The following OCA2 variants were observed in gnomAD, a reference collection of about 807,000 sequenced individuals.
OCA2 encodes the protein OCA2 melanosomal transmembrane protein.
Under a neutral mutation model 100.2 loss-of-function variants are expected in OCA2, and 77 were observed. That is an observed-to-expected ratio of 0.77 (90% CI 0.64 to 0.93). OCA2 has a LOEUF of 0.93. Among genes scored for constraint, OCA2 ranks in the 40% least tolerant of loss-of-function variants. OCA2 has a pLI of 0.00. For missense variants in OCA2, 1,062 were observed against 1,089.1 expected, an observed-to-expected ratio of 0.98 and a Z score of 0.35; for synonymous variants, 432 against 439.2, an observed-to-expected ratio of 0.98 and a Z score of 0.21.
chr15:28,008,398 GT>G (rs1288203396), intron 9 of OCA2, among the ~76,000 whole-genome samples: 2 of 152,236 alleles, frequency 1.3e-5, no homozygotes, highest in Non-Finnish European at 2.9e-5. Flanking sequence ...CTCATAGCCT[GT>G]TCCTCTTCCT....
At position 27,917,130 on chromosome 15, in the gene OCA2, G is replaced by A. The variant is rs769942388; in HGVS notation, c.2079+8997C>T. On this transcript the variant is annotated intron_variant, in intron 19 of 23. Transcript: ENST00000354638. Reference sequence around the variant, plus strand: ...TGTATACAAACCTTACTCTCTTCTGGGCTAACAGTGAATAGTTTGAACATG... The same window carrying A: ...TGTATACAAACCTTACTCTCTTCTGAGCTAACAGTGAATAGTTTGAACATG... 1.4e-4 allele frequency among the ~76,000 whole-genome samples: 22 copies of A among 151,892 alleles called. 1 individual carries two copies. The highest frequency in any genetic ancestry group is 1.2e-3 in the Admixed American group (18 of 15,244).
chr15:27,840,615 T>A (rs1371674255), intron 23 of OCA2, among the ~76,000 whole-genome samples: 1 of 152,186 alleles, frequency 6.6e-6, no homozygotes, highest in Non-Finnish European at 1.5e-5. Context: ...TCCACAAAGA[T>A]GCACTCAGCT....
intron 23 of OCA2, among the ~76,000 whole-genome samples, chr15:27,770,293 T>C (rs967784457): frequency 2.6e-5 from 4 of 151,936 alleles, no homozygotes; most frequent in African/African-American, 9.7e-5. Flanking sequence ...ACGGAGACAC[T>C]GCGCGGACCC....
chr15:28,059,598 A>T (rs2043809685), intron 2 of OCA2, among the ~76,000 whole-genome samples: 1 of 152,234 alleles, frequency 6.6e-6, no homozygotes, highest in Non-Finnish European at 1.5e-5. Flanking sequence ...TTTGAGATTA[A>T]CTAAAAGATG....
In OCA2 at chr15:27,844,945, G is replaced by A; in HGVS notation, c.2432+14C>T. Reference sequence around the variant, plus strand: ...GACAGTTTAACAGAAAATTTAAAGGGAATTTAAAAGTACCTGAAAAATTCC... The same window carrying A: ...GACAGTTTAACAGAAAATTTAAAGGAAATTTAAAAGTACCTGAAAAATTCC... On this transcript the variant is annotated intron_variant, in intron 23 of 23. Coordinates refer to ENST00000354638, the MANE Select transcript of OCA2 (RefSeq NM_000275.3). 1 of 1,566,122 alleles carries A rather than the reference G, an allele frequency of 6.4e-7. No individual in the cohort carries two copies. The highest frequency in any genetic ancestry group is 1.1e-5 in the South Asian group (1 of 89,932).
intron 19 of OCA2, among the ~76,000 whole-genome samples, chr15:27,883,657 G>C (rs562441358): frequency 1.3e-5 from 2 of 152,114 alleles, no homozygotes; most frequent in East Asian, 3.9e-4. Flanking sequence ...CGGCATTTGA[G>C]AACCTGAACA....
At chr15:27,995,559 A>ATTTT (rs5811523) in intron 9 of OCA2, among the ~76,000 whole-genome samples, 2,104 of 147,984 alleles carry the variant, frequency 0.014, 22 homozygotes, top group Non-Finnish European at 0.021. Context: ...TGTCCAGCTA[A>ATTTT]TTTTTTTTTT....
chr15:28,051,155 T>C (rs1216957428), intron 2 of OCA2, among the ~76,000 whole-genome samples: 1 of 152,228 alleles, frequency 6.6e-6, no homozygotes, highest in African/African-American at 2.4e-5. Flanking sequence ...ACTTAGAGAA[T>C]GTTGTGGAGG....
intron 18 of OCA2, among the ~76,000 whole-genome samples, chr15:27,941,368 A>G (rs574283369): frequency 3.3e-5 from 5 of 152,194 alleles, no homozygotes; most frequent in Non-Finnish European, 5.9e-5. Flanking sequence ...TTTAAAAGCT[A>G]ATGTGGTACT....
intron 18 of OCA2, 71 bp from the exon 19 acceptor site, chr15:27,926,325 G>T: frequency 1.3e-6 from 2 of 1,563,122 alleles, no homozygotes; most frequent in South Asian, 2.2e-5. Context: ...TTTAACCTCT[G>T]GTTGCCTTTT....
intron 19 of OCA2, among the ~76,000 whole-genome samples, chr15:27,876,803 T>C (rs774171277): frequency 1.4e-4 from 21 of 151,892 alleles, no homozygotes; most frequent in Non-Finnish European, 2.4e-4. Context: ...CTTGATGATA[T>C]TGGTGATGTG....
intron 2 of OCA2, among the ~76,000 whole-genome samples, chr15:28,045,236 TA>T: frequency 6.6e-6 from 1 of 152,308 alleles, no homozygotes; most frequent in Non-Finnish European, 1.5e-5. Flanking sequence ...TATACATCTT[TA>T]ACTTCCCACA....
At position 27,851,532 on chromosome 15, in the gene OCA2, T is replaced by C; in HGVS notation, c.2245-57A>G. 3.0e-6 allele frequency: 4 copies of C among 1,347,082 alleles called. No individual in the cohort carries two copies. In the East Asian group the frequency reaches 7.1e-5, roughly 24 times the overall value. The allele number at this position is 1,347,082 out of a possible 1,614,324, so 83.4% of individuals were successfully genotyped here. A position where few individuals can be genotyped will look rare whatever the true frequency, so the allele number is the denominator to read the frequency against. ...CCATGGACGCTCAGAGAAGCTGCCA[T>C]ACTGTGACCAATTTAGAAAATCCAA... On this transcript the variant is annotated intron_variant, in intron 21 of 23. Coordinates refer to ENST00000354638, the MANE Select transcript of OCA2 (RefSeq NM_000275.3).
chr15:27,889,348 A>G (rs2037361307), intron 19 of OCA2, among the ~76,000 whole-genome samples: 1 of 152,190 alleles, frequency 6.6e-6, no homozygotes, highest in Admixed American at 6.5e-5. Context: ...TTTCTCTTAC[A>G]GAAACAAGAA....
At position 28,027,866 on chromosome 15, in the gene OCA2, C is replaced by G; in HGVS notation, c.515+5G>C. On this transcript the variant is annotated splice_donor_5th_base_variant and intron_variant, in intron 4 of 23. Transcript: ENST00000354638. Reference sequence around the variant, plus strand: ...TGCCAGGGTGGGCACCCCAAGTCCGCCTACCTCAGCTTGGAAAGACGGAGT... The same window carrying G: ...TGCCAGGGTGGGCACCCCAAGTCCGGCTACCTCAGCTTGGAAAGACGGAGT... 6.2e-7 allele frequency: 1 copy of G among 1,612,368 alleles called. No homozygotes were observed. Among genetic ancestry groups the G allele is most frequent in the Non-Finnish European group, 8.5e-7 (1 of 1,180,020 alleles).
At chr15:28,010,222 A>G (rs1385881899) in intron 9 of OCA2, among the ~76,000 whole-genome samples, 1 of 152,188 alleles carries the variant, frequency 6.6e-6, no homozygotes, top group Non-Finnish European at 1.5e-5. Flanking sequence ...CCCTCTTAGT[A>G]CATTAGGAAA....
At chr15:27,873,780 T>TA (rs1240440831) in intron 19 of OCA2, among the ~76,000 whole-genome samples, 9 of 152,190 alleles carry the variant, frequency 5.9e-5, no homozygotes, top group Admixed American at 2.6e-4. Context: ...TCTCTTAATT[T>TA]AAAAAAAATC....
At chr15:27,851,541 C>A in intron 21 of OCA2, 66 bp from the exon 22 acceptor site, 1 of 1,278,232 alleles carries the variant, frequency 7.8e-7, no homozygotes, top group Non-Finnish European at 1.1e-6. Flanking sequence ...ATACTGTGAC[C>A]AATTTAGAAA....
intron 15 of OCA2, among the ~76,000 whole-genome samples, chr15:27,961,568 G>A (rs950134391): frequency 3.3e-5 from 5 of 152,178 alleles, no homozygotes; most frequent in Non-Finnish European, 4.4e-5. Context: ...ATCAATGACA[G>A]ACTGGATAAA....
Sources: gnomAD v4.1 joint callset for allele counts (sites outside exome capture counted in the v4.1 genomes callset) on GRCh38, gnomAD v4.1.1 for gene constraint, MANE v1.5 for transcripts, NCBI Gene and HGNC (gene_info 2026-07-23, HGNC 2026-07-21) for gene names.